Variants in LARP4B observed in about 807,000 individuals in gnomAD.
LARP4B encodes the protein la-related protein 4B.
A neutral mutation model predicts 89.8 loss-of-function variants in LARP4B; 12 were observed. The observed-to-expected ratio is 0.13, with a 90% CI of 0.09 to 0.22. The LOEUF (loss-of-function observed/expected upper bound fraction) is 0.22. Ranked by LOEUF, LARP4B falls within the 10% of genes least tolerant of loss-of-function variation. The pLI is 1.00. For synonymous variants in LARP4B, 367 were observed against 363.3 expected, an observed-to-expected ratio of 1.01 and a Z score of -0.12; for missense variants, 757 against 947.7, an observed-to-expected ratio of 0.80 and a Z score of 2.64.
chr10:825,551 T>C (rs927414526), intron 12 of LARP4B, among the ~76,000 whole-genome samples: 11 of 152,240 alleles, frequency 7.2e-5, no homozygotes, highest in Admixed American at 7.2e-4. Context: ...CAGGCACACC[T>C]GATGTGTACA....
chr10:837,741 T>A (rs1833301498), intron 7 of LARP4B, among the ~76,000 whole-genome samples: 1 of 152,054 alleles, frequency 6.6e-6, no homozygotes, highest in Non-Finnish European at 1.5e-5. Flanking sequence ...TGTACAAACA[T>A]CAGCACAAAA....
the LARP4B span, among the ~76,000 whole-genome samples, chr10:984,270 T>C: frequency 6.6e-6 from 1 of 151,998 alleles, no homozygotes. Flanking sequence ...CACAGAATGC[T>C]AATCTTAAGA....
At chr10:815,130 A>C in intron 15 of LARP4B, 60 bp from the exon 16 acceptor site, 2 of 1,500,976 alleles carry the variant, frequency 1.3e-6, no homozygotes, top group Non-Finnish European at 1.8e-6. Context: ...AGCTGGTACC[A>C]GTGCCCGTTC....
Position 864,261 on chromosome 10 carries a change from T to C in LARP4B, c.151A>G (p.Thr51Ala). The C allele has an allele frequency of 6.2e-7, 1 of 1,614,182 alleles. No homozygotes were observed. Among genetic ancestry groups the C allele is most frequent in the Non-Finnish European group, 8.5e-7 (1 of 1,180,006 alleles). ...TTAGGGTTCAGCTCTGAAACCTTAG[T>C]TGCTGGTACCTAGGAAGAAATGTAA... ...SIPPLSQVPA[T>A]KVSELNPNAE... The change falls in exon 4 of 18, where the codon ACT becomes GCT. Residue 51 changes from threonine to alanine, a missense_variant. Around this residue, in one of 5 missense-constraint regions of LARP4B, gnomAD observed 175 missense variants for 187.0 expected, o/e 0.94. Coordinates refer to ENST00000316157, the MANE Select transcript of LARP4B (RefSeq NM_015155.3).
rs144240485 is a variant in LARP4B, at chr10:872,949, G to A, written c.142-8679C>T. 3,677 of 867,450 alleles carry A rather than the reference G, an allele frequency of 4.2e-3. 11 individuals are homozygous for A. The highest frequency in any genetic ancestry group is 4.3e-3 in the Non-Finnish European group (3,094 of 721,934). The allele number at this position is 867,450 out of a possible 1,614,324, so 53.7% of individuals were successfully genotyped here. ...CCAGACCCTGCGAAAATCCTTGTCC[G>A]CGCGCTAACGCCAGCTACACTGCTG... On this transcript the variant is annotated intron_variant, in intron 3 of 17. Coordinates refer to ENST00000316157, the MANE Select transcript of LARP4B (RefSeq NM_015155.3).
chr10:854,504 T>C (rs1226108901), intron 5 of LARP4B, among the ~76,000 whole-genome samples: 1 of 152,248 alleles, frequency 6.6e-6, no homozygotes, highest in African/African-American at 2.4e-5. Flanking sequence ...TTCATCTCCT[T>C]GTACACCTGT....
intron 1 of LARP4B, among the ~76,000 whole-genome samples, chr10:916,479 T>C (rs556752772): frequency 1.1e-3 from 165 of 152,294 alleles, no homozygotes; most frequent in African/African-American, 3.7e-3. Context: ...GCAGATCACC[T>C]GAGGTCAGGA....
At position 810,003 on chromosome 10, in the gene LARP4B, C is replaced by A. The variant is rs902001511; in HGVS notation, c.*2923G>T. On this transcript the variant is annotated 3_prime_UTR_variant, in exon 18 of 18. Coordinates refer to ENST00000316157, the MANE Select transcript of LARP4B (RefSeq NM_015155.3). ...TGTCAAGACACTCACTCTCAGAGAACGACGACTCCACTTGAAATTCATGTC... is the reference window on the plus strand; with the variant it reads ...TGTCAAGACACTCACTCTCAGAGAAAGACGACTCCACTTGAAATTCATGTC... 6.6e-6 allele frequency: 1 copy of A among 152,238 alleles called. No homozygotes were observed. The highest frequency in any genetic ancestry group is 1.5e-5 in the Non-Finnish European group (1 of 68,044). The allele number at this position is 152,238 out of a possible 1,614,324, so 9.4% of individuals were successfully genotyped here.
chr10:946,042 C>T, the LARP4B span, among the ~76,000 whole-genome samples: 1 of 152,184 alleles, frequency 6.6e-6, no homozygotes, highest in Non-Finnish European at 1.5e-5. Context: ...GCGGAGTAGA[C>T]TTGTACCCCA....
At chr10:864,914 C>T (rs1834820428) in intron 3 of LARP4B, among the ~76,000 whole-genome samples, 1 of 152,196 alleles carries the variant, frequency 6.6e-6, no homozygotes, top group Admixed American at 6.5e-5. Context: ...GATCGCACCA[C>T]TGCACCCAAC....
upstream of LARP4B, among the ~76,000 whole-genome samples, chr10:933,752 G>A (rs1830714691): frequency 6.6e-6 from 1 of 152,102 alleles, no homozygotes; most frequent in Non-Finnish European, 1.5e-5. Context: ...TAACCTACAG[G>A]AGCTTACTCT....
At chr10:969,062 G>A in the LARP4B span, among the ~76,000 whole-genome samples, 1 of 152,208 alleles carries the variant, frequency 6.6e-6, no homozygotes, top group African/African-American at 2.4e-5. Context: ...GCAGACAAGT[G>A]CAGACTGAGA....
At chr10:813,660 C>G (rs1329929202) in intron 17 of LARP4B, among the ~76,000 whole-genome samples, 2 of 152,192 alleles carry the variant, frequency 1.3e-5, no homozygotes, top group Admixed American at 6.5e-5. Context: ...AAATGTTTTG[C>G]ACATTTCAAA....
intron 1 of LARP4B, among the ~76,000 whole-genome samples, chr10:930,889 GA>G (rs1440345601): frequency 6.6e-6 from 1 of 151,590 alleles, no homozygotes; most frequent in African/African-American, 2.4e-5. Flanking sequence ...CGGGACCGAG[GA>G]GCGAGTGGCA....
the LARP4B span, chr10:987,370 T>C: frequency 6.6e-6 from 1 of 152,218 alleles, no homozygotes; most frequent in Admixed American, 6.5e-5. Flanking sequence ...ATAATAGGAC[T>C]TGTTTAAAAG....
the LARP4B span, among the ~76,000 whole-genome samples, chr10:941,512 GT>G: frequency 2.0e-5 from 3 of 151,784 alleles, no homozygotes; most frequent in African/African-American, 7.3e-5. Context: ...TGGGCGGGGG[GT>G]GTCTCACCAT....
At position 812,901 on chromosome 10, in the gene LARP4B, G is replaced by A; in HGVS notation, c.*25C>T. ...TCGTTTGTGGTTAACACAGCGCTCTGCGACCCCTCCCAGACGTACGGTTTT... is the reference window on the plus strand; with the variant it reads ...TCGTTTGTGGTTAACACAGCGCTCTACGACCCCTCCCAGACGTACGGTTTT... On this transcript the variant is annotated 3_prime_UTR_variant, in exon 18 of 18. Coordinates refer to ENST00000316157, the MANE Select transcript of LARP4B (RefSeq NM_015155.3). The A allele has an allele frequency of 6.6e-7, 1 of 1,516,078 alleles. No individual in the cohort carries two copies. Among genetic ancestry groups the A allele is most frequent in the Non-Finnish European group, 8.8e-7 (1 of 1,137,874 alleles). The allele number at this position is 1,516,078 out of a possible 1,614,324, so 93.9% of individuals were successfully genotyped here. A position where few individuals can be genotyped will look rare whatever the true frequency, so the allele number is the denominator to read the frequency against.
At chr10:831,227 G>A (rs1832886631) in intron 8 of LARP4B, among the ~76,000 whole-genome samples, 1 of 147,860 alleles carries the variant, frequency 6.8e-6, no homozygotes, top group African/African-American at 2.5e-5. Flanking sequence ...CATTAAGCTA[G>A]ATTAATGTGA....
the LARP4B span, among the ~76,000 whole-genome samples, chr10:937,829 GAGGAAA>G: frequency 3.9e-4 from 59 of 152,220 alleles, no homozygotes; most frequent in Non-Finnish European, 7.6e-4. Context: ...TCCGAGGTCA[GAGGAAA>G]CATTCGCTGT....
Sources: gnomAD v4.1 joint callset for allele counts (sites outside exome capture counted in the v4.1 genomes callset) on GRCh38, gnomAD v4.1.1 for gene constraint, gnomAD v4.1.1 regional missense constraint, MANE v1.5 for transcripts, NCBI Gene and HGNC (gene_info 2026-07-23, HGNC 2026-07-21) for gene names.